Variants in EXOC6B observed in about 807,000 individuals in gnomAD.
The protein encoded by EXOC6B is SEC15 homolog B.
EXOC6B carries 54 observed loss-of-function variants against 113.5 expected under a neutral mutation model. The ratio of observed to expected loss-of-function variants is 0.48; its 90% CI spans 0.38 to 0.60. The LOEUF (loss-of-function observed/expected upper bound fraction) is 0.60. EXOC6B is among the 20% of genes least tolerant of loss of function. EXOC6B has a pLI of 0.00. For synonymous variants in EXOC6B, 357 were observed against 339.0 expected, an observed-to-expected ratio of 1.05 and a Z score of -0.58; for missense variants, 797 against 977.5, an observed-to-expected ratio of 0.82 and a Z score of 2.46.
chr2:72,550,101 C>T (rs992911122), intron 8 of EXOC6B, among the ~76,000 whole-genome samples: 1 of 151,894 alleles, frequency 6.6e-6, no homozygotes, highest in African/African-American at 2.4e-5. Context: ...CTCCTCAATC[C>T]CCGTTTCTCT....
At position 72,825,758 on chromosome 2, in the gene EXOC6B, G is replaced by A. The variant is rs755356117; in HGVS notation, c.113+40C>T. ...GACCCAGAGGAGCCTGCCCCGTCCC[G>A]CCCGTTCCCGCCCCTCTGTGGTCCC... On this transcript the variant is annotated intron_variant, in intron 1 of 21. Transcript: ENST00000272427. The surrounding 1 kb of genome is among the most constrained non-coding windows in gnomAD (Gnocchi z 4.4). 2.0e-6 allele frequency: 2 copies of A among 976,824 alleles called. No individual in the cohort carries two copies. Among genetic ancestry groups the A allele is most frequent in the Admixed American group, 1.9e-5 (1 of 53,622 alleles). 60.5% of individuals were successfully genotyped at this position (976,824 alleles called of 1,614,324 possible).
At chr2:72,372,306 T>C (rs1020780895) in intron 19 of EXOC6B, among the ~76,000 whole-genome samples, 3 of 151,764 alleles carry the variant, frequency 2.0e-5, no homozygotes, top group Non-Finnish European at 1.5e-5. Context: ...TTTACAGAAA[T>C]AGAAAAAACA....
At chr2:72,694,942 C>G (rs1295441729) in intron 6 of EXOC6B, among the ~76,000 whole-genome samples, 1 of 152,142 alleles carries the variant, frequency 6.6e-6, no homozygotes, top group Non-Finnish European at 1.5e-5. Flanking sequence ...AAATATGCAC[C>G]AGATTCAAGG....
chr2:72,557,242 G>C (rs1386643730), intron 8 of EXOC6B, among the ~76,000 whole-genome samples: 1 of 113,702 alleles, frequency 8.8e-6, no homozygotes, highest in Non-Finnish European at 1.7e-5. Flanking sequence ...AACTGGGCTT[G>C]TAAACAATGA....
chr2:72,391,932 C>T (rs1692411673), intron 18 of EXOC6B, among the ~76,000 whole-genome samples: 1 of 152,162 alleles, frequency 6.6e-6, no homozygotes, highest in Non-Finnish European at 1.5e-5. Context: ...TATCTGAGTT[C>T]ACTAATCTTG....
chr2:72,611,190 C>T (rs1209951485), intron 6 of EXOC6B, among the ~76,000 whole-genome samples: 1 of 151,928 alleles, frequency 6.6e-6, no homozygotes, highest in African/African-American at 2.4e-5. Context: ...AGCAAAACCG[C>T]GTCTCTACTA....
intron 6 of EXOC6B, among the ~76,000 whole-genome samples, chr2:72,687,345 G>A (rs374259035): frequency 6.6e-6 from 1 of 152,096 alleles, no homozygotes; most frequent in African/African-American, 2.4e-5. Flanking sequence ...CTGCACAGCC[G>A]TATTTTATTT....
At chr2:72,381,387 T>C (rs1006038078) in intron 18 of EXOC6B, among the ~76,000 whole-genome samples, 2 of 152,150 alleles carry the variant, frequency 1.3e-5, no homozygotes, top group Non-Finnish European at 1.5e-5. Context: ...TTTTCTTTCT[T>C]TCTTTTTGTT....
chr2:72,700,371 A>C lies in EXOC6B; in HGVS notation c.669+17732T>G, dbSNP rs181576759. Reference sequence around the variant, plus strand: ...ACCAAATTTCTTAAGGAAATTGAAGAACAGAAAAATCTATACATTTAGAGA... The same window carrying C: ...ACCAAATTTCTTAAGGAAATTGAAGCACAGAAAAATCTATACATTTAGAGA... On this transcript the variant is annotated intron_variant, in intron 6 of 21. Coordinates refer to ENST00000272427, the MANE Select transcript of EXOC6B (RefSeq NM_015189.3). 9.6e-3 allele frequency among the ~76,000 whole-genome samples: 1,460 copies of C among 152,262 alleles called. 9 individuals carry two copies. Among genetic ancestry groups the C allele is most frequent in the Non-Finnish European group, 0.015 (992 of 68,012 alleles).
chr2:72,406,274 G>A (rs1416019133), intron 18 of EXOC6B, among the ~76,000 whole-genome samples: 1 of 152,056 alleles, frequency 6.6e-6, no homozygotes, highest in Non-Finnish European at 1.5e-5. Flanking sequence ...ACACCCCACT[G>A]TCAACATTAG....
intron 8 of EXOC6B, among the ~76,000 whole-genome samples, chr2:72,532,698 C>T (rs977973216): frequency 6.6e-6 from 1 of 152,046 alleles, no homozygotes; most frequent in African/African-American, 2.4e-5. Flanking sequence ...ATCACAGCTA[C>T]TCTGGAGGCT....
intron 1 of EXOC6B, among the ~76,000 whole-genome samples, chr2:72,752,477 A>C (rs1187115980): frequency 6.6e-6 from 1 of 151,842 alleles, no homozygotes; most frequent in Non-Finnish European, 1.5e-5. Flanking sequence ...AGAAAAAAAA[A>C]TGCACTAAAT....
intron 19 of EXOC6B, among the ~76,000 whole-genome samples, chr2:72,344,784 T>C (rs1385585207): frequency 6.6e-6 from 1 of 151,882 alleles, no homozygotes; most frequent in Non-Finnish European, 1.5e-5. Context: ...CTTTAATGTT[T>C]GGCTCCCAAA....
intron 20 of EXOC6B, among the ~76,000 whole-genome samples, chr2:72,189,449 C>T (rs1173278933): frequency 6.6e-6 from 1 of 152,118 alleles, no homozygotes; most frequent in Non-Finnish European, 1.5e-5. Context: ...ATTTTGATCA[C>T]CTGATTAAGA....
At chr2:72,570,288 G>A (rs1033444814) in intron 7 of EXOC6B, among the ~76,000 whole-genome samples, 3 of 152,112 alleles carry the variant, frequency 2.0e-5, no homozygotes, top group Non-Finnish European at 2.9e-5. Context: ...CCTTGATCTT[G>A]GACAGCCAGC....
intron 20 of EXOC6B, among the ~76,000 whole-genome samples, chr2:72,294,963 T>C (rs1292479749): frequency 1.3e-5 from 2 of 152,092 alleles, no homozygotes; most frequent in Non-Finnish European, 1.5e-5. Flanking sequence ...CTGGGTGGGG[T>C]GGCTCACGCC....
At chr2:72,605,062 A>C (rs1211076326) in intron 6 of EXOC6B, among the ~76,000 whole-genome samples, 1 of 151,944 alleles carries the variant, frequency 6.6e-6, no homozygotes, top group Non-Finnish European at 1.5e-5. Flanking sequence ...GGGAGGGTGG[A>C]TTATGAGGTC....
At chr2:72,796,516 C>T (rs577510142) in intron 1 of EXOC6B, among the ~76,000 whole-genome samples, 12 of 151,938 alleles carry the variant, frequency 7.9e-5, no homozygotes, top group African/African-American at 2.9e-4. Flanking sequence ...TCTTTTCCCC[C>T]ACTAGACAAT....
intron 20 of EXOC6B, among the ~76,000 whole-genome samples, chr2:72,238,127 G>C (rs1306955095): frequency 2.6e-5 from 4 of 152,062 alleles, no homozygotes; most frequent in Non-Finnish European, 5.9e-5. Context: ...CTATAGATTT[G>C]CCTATTCTGA....
Sources: allele counts gnomAD v4.1 joint callset (sites outside exome capture counted in the v4.1 genomes callset), GRCh38; gene constraint gnomAD v4.1.1; non-coding constraint Gnocchi (gnomAD v3.1); transcripts MANE v1.5; gene names NCBI Gene and HGNC (gene_info 2026-07-23, HGNC 2026-07-21).